Variants in ADD1 observed in about 807,000 individuals in gnomAD.
ADD1 encodes the protein alpha-adducin.
In ADD1, 24 loss-of-function variants were observed where a neutral mutation model predicts 80.5. That is an observed-to-expected ratio of 0.30 (90% CI 0.22 to 0.42). The LOEUF (loss-of-function observed/expected upper bound fraction) is 0.42. ADD1 is among the 10% of genes least tolerant of loss of function. The probability of loss-of-function intolerance (pLI) is 1.00; values close to 1 mark genes in which losing one functional copy is unlikely to be tolerated. For missense variants in ADD1, 948 were observed against 1,019.0 expected (o/e 0.93, Z 0.95); for synonymous variants, 373 against 393.8 (o/e 0.95, Z 0.63).
chr4:2,907,893 G>A (rs759909462), intron 11 of ADD1, 49 bp downstream of exon 11: 1 of 1,478,664 alleles, frequency 6.8e-7, no homozygotes, highest in South Asian at 1.1e-5. Flanking sequence ...GGGATTGGAA[G>A]GGATGCCAGC....
rs943582958 is a variant in ADD1 at position 2,847,076 on chromosome 4, C to T, written c.-21+3052C>T. On this transcript the variant is annotated intron_variant, in intron 1 of 15. Transcript: ENST00000683351. ...AGCTTGCAGTGAGTGGAGATCGCTCCGTTGCACTGTAGCCTGGGCGACACG... is the reference window on the plus strand; with the variant it reads ...AGCTTGCAGTGAGTGGAGATCGCTCTGTTGCACTGTAGCCTGGGCGACACG... Among the ~76,000 whole-genome samples, 8 of 150,144 alleles carry T rather than the reference C, an allele frequency of 5.3e-5. No homozygotes were observed. In the East Asian group the frequency reaches 6.0e-4, roughly 11 times the overall value.
At chr4:2,897,384 T>C (rs951857771) in intron 6 of ADD1, among the ~76,000 whole-genome samples, 3 of 149,262 alleles carry the variant, frequency 2.0e-5, no homozygotes, top group Non-Finnish European at 4.4e-5. Flanking sequence ...AGAGAAATTA[T>C]ATAAGAAATT....
intron 14 of ADD1, among the ~76,000 whole-genome samples, chr4:2,924,913 T>C (rs1740713737): frequency 6.6e-6 from 1 of 152,174 alleles, no homozygotes; most frequent in Non-Finnish European, 1.5e-5. Context: ...TCTCCTGGGA[T>C]CTGAGTAACC....
chr4:2,872,835 C>T (rs940696935), intron 1 of ADD1, among the ~76,000 whole-genome samples: 1 of 152,142 alleles, frequency 6.6e-6, no homozygotes, highest in Admixed American at 6.5e-5. Flanking sequence ...GCTGGGATTA[C>T]AGGCATGAGC....
chr4:2,914,715 C>T (rs1169075678), intron 13 of ADD1, 169 bp from the exon 14 acceptor site: 3 of 668,560 alleles, frequency 4.5e-6, no homozygotes, highest in Admixed American at 2.7e-5. Context: ...CATTATATAC[C>T]ACTGAAGGCT....
At position 2,898,217 on chromosome 4, in the gene ADD1, T is replaced by G. The variant is rs1016665300; in HGVS notation, c.775T>G (p.Ser259Ala). 2 of 1,613,802 alleles carry G rather than the reference T, an allele frequency of 1.2e-6. No homozygotes were observed. Among genetic ancestry groups the G allele is most frequent in the Non-Finnish European group, 8.5e-7 (1 of 1,179,824 alleles). The change falls in exon 7 of 16, where the codon TCC (serine) becomes GCC (alanine). Residue 259 changes from serine to alanine, a missense_variant. Physicochemically the swap from Ser to Ala is moderately conservative, Grantham distance 99. Coordinates refer to ENST00000683351, the MANE Select transcript of ADD1 (RefSeq NM_001354761.2). ...AATGAAATGTGGCCTCTTGCCAATC[T>G]CCCCGGAGGCGCTTTCCCTTGGAGA... ...SAMKCGLLPI[S>A]PEALSLGEVA...
chr4:2,925,723 G>A (rs1419644075), intron 14 of ADD1, among the ~76,000 whole-genome samples: 2 of 152,204 alleles, frequency 1.3e-5, no homozygotes, highest in Non-Finnish European at 2.9e-5. Flanking sequence ...GACAGGCCAG[G>A]GCATACCATT....
At chr4:2,908,685 AGT>A (rs1684853610) in intron 12 of ADD1, 81 bp downstream of exon 12, 2 of 1,224,960 alleles carry the variant, frequency 1.6e-6, no homozygotes, top group Non-Finnish European at 2.4e-6. Flanking sequence ...AAATTGAGAG[AGT>A]GACTTTATGA....
chr4:2,871,464 T>A (rs1033606943), intron 1 of ADD1, among the ~76,000 whole-genome samples: 35 of 152,322 alleles, frequency 2.3e-4, no homozygotes, highest in Non-Finnish European at 4.6e-4. Context: ...ATAAATTTTT[T>A]AAAAAGGGAT....
chr4:2,912,584 T>C (rs1738261560), intron 13 of ADD1, among the ~76,000 whole-genome samples: 1 of 152,172 alleles, frequency 6.6e-6, no homozygotes, highest in African/African-American at 2.4e-5. Context: ...TGGAGTGCAG[T>C]AGTGCAATCA....
intron 13 of ADD1, 82 bp from the exon 14 acceptor site, chr4:2,914,802 C>T: frequency 6.7e-7 from 1 of 1,502,304 alleles, no homozygotes; most frequent in South Asian, 1.3e-5. Flanking sequence ...CCTGCCCCCG[C>T]CCTGCCTGCA....
chr4:2,858,987 G>A (rs576431000), intron 1 of ADD1, among the ~76,000 whole-genome samples: 41 of 152,302 alleles, frequency 2.7e-4, no homozygotes, highest in South Asian at 8.3e-4. Flanking sequence ...AAGACAATAA[G>A]CCTATGAAGT....
chr4:2,846,217 A>G (rs1726178591), intron 1 of ADD1, among the ~76,000 whole-genome samples: 1 of 152,150 alleles, frequency 6.6e-6, no homozygotes, highest in Non-Finnish European at 1.5e-5. Flanking sequence ...ATTTTAATTG[A>G]TAGTTTCCCC....
chr4:2,877,775 AG>A (rs1314923473), intron 2 of ADD1, among the ~76,000 whole-genome samples: 2 of 152,168 alleles, frequency 1.3e-5, no homozygotes, highest in East Asian at 3.9e-4. Context: ...ACTTGAGCCC[AG>A]GAGTTCGAGA....
intron 6 of ADD1, 128 bp downstream of exon 6, chr4:2,894,859 G>A (rs1218557451): frequency 4.8e-6 from 5 of 1,036,060 alleles, no homozygotes; most frequent in Non-Finnish European, 6.7e-6. Context: ...AAAAAAAAAG[G>A]TGTACCACTA....
rs1384965816 is a variant in ADD1 at position 2,929,881 on chromosome 4, C to T, written c.*1358C>T. ...GAAAAGTCCTTAACCGTGGACTCTT[C>T]CTTTATCCCCTCCTTTACCCCACAT... On this transcript the variant is annotated 3_prime_UTR_variant, in exon 16 of 16. Transcript: ENST00000683351. 7 of 152,796 alleles carry T rather than the reference C, an allele frequency of 4.6e-5. No homozygotes were observed. In the South Asian group the frequency reaches 6.2e-4, roughly 14 times the overall value. 9.5% of individuals were successfully genotyped at this position (152,796 alleles called of 1,614,324 possible). A position where few individuals can be genotyped will look rare whatever the true frequency, so the allele number is the denominator to read the frequency against.
At chr4:2,852,168 T>C (rs1727220506) in intron 1 of ADD1, among the ~76,000 whole-genome samples, 1 of 74,268 alleles carries the variant, frequency 1.3e-5, no homozygotes, top group Non-Finnish European at 2.6e-5. Context: ...CTTTCTTTCT[T>C]TCTTTCTTTC....
chr4:2,928,973 C>T lies in ADD1; in HGVS notation c.*450C>T, dbSNP rs1577779280. The T allele has an allele frequency of 6.1e-5, 11 of 180,746 alleles. No homozygotes were observed. In the South Asian group the frequency reaches 1.1e-3, roughly 18 times the overall value. The allele number at this position is 180,746 out of a possible 1,614,324, so 11.2% of individuals were successfully genotyped here. A position where few individuals can be genotyped will look rare whatever the true frequency, so the allele number is the denominator to read the frequency against. On this transcript the variant is annotated 3_prime_UTR_variant, in exon 16 of 16. Coordinates refer to ENST00000683351, the MANE Select transcript of ADD1 (RefSeq NM_001354761.2). ...CTGGCTTCATGTGGCATTCTCTCTG[C>T]TCAGTGATCTCACTTAAATCTATAT...
At chr4:2,859,255 A>G (rs900411096) in intron 1 of ADD1, among the ~76,000 whole-genome samples, 1 of 152,194 alleles carries the variant, frequency 6.6e-6, no homozygotes, top group Non-Finnish European at 1.5e-5. Context: ...CTGGGAAGGA[A>G]TGATAACTTT....
Sources: allele counts gnomAD v4.1 joint callset (sites outside exome capture counted in the v4.1 genomes callset), GRCh38; gene constraint gnomAD v4.1.1; transcripts MANE v1.5; gene names NCBI Gene and HGNC (gene_info 2026-07-23, HGNC 2026-07-21).